The following CSMD3 variants were observed in gnomAD, a reference collection of about 807,000 sequenced individuals.
The protein encoded by CSMD3 is CUB and sushi domain-containing protein 3.
CSMD3 carries 177 observed loss-of-function variants against 435.2 expected under a neutral mutation model. That is an observed-to-expected ratio of 0.41 (90% CI 0.36 to 0.46). The LOEUF is 0.46. Ranked by LOEUF, CSMD3 falls within the 20% of genes least tolerant of loss-of-function variation. The pLI, the probability that CSMD3 is intolerant of heterozygous loss-of-function variation, is 0.34. For missense variants in CSMD3, 4,265 were observed against 4,504.6 expected, an observed-to-expected ratio of 0.95 and a Z score of 1.52; for synonymous variants, 1,656 against 1,520.5, an observed-to-expected ratio of 1.09 and a Z score of -2.07.
intron 52 of CSMD3, among the ~76,000 whole-genome samples, chr8:112,303,530 G>A (rs1230774492): frequency 6.6e-6 from 1 of 151,922 alleles, no homozygotes; most frequent in East Asian, 1.9e-4. Context: ...ACTCCAGCCT[G>A]GCAGACAGAG....
chr8:112,686,986 T>A (rs904180282), intron 14 of CSMD3, among the ~76,000 whole-genome samples: 24 of 152,126 alleles, frequency 1.6e-4, no homozygotes, highest in African/African-American at 5.8e-4. Flanking sequence ...TTTAAAATTG[T>A]ATTTTAAAAT....
chr8:112,453,043 C>T (rs180741671), intron 32 of CSMD3, among the ~76,000 whole-genome samples: 155 of 152,260 alleles, frequency 1.0e-3, no homozygotes, highest in Non-Finnish European at 1.2e-3. Context: ...AGATTCCTGA[C>T]TCTTGGTAAA....
chr8:112,904,997 A>C (rs899930759), intron 10 of CSMD3, among the ~76,000 whole-genome samples: 1 of 151,346 alleles, frequency 6.6e-6, no homozygotes, highest in African/African-American at 2.4e-5. Flanking sequence ...TAAATGTTGT[A>C]TGATAAAAAT....
chr8:112,763,643 TTATTA>T (rs893025256), intron 13 of CSMD3, among the ~76,000 whole-genome samples: 1 of 149,164 alleles, frequency 6.7e-6, no homozygotes, highest in African/African-American at 2.5e-5. Context: ...TGAAACTATA[TTATTA>T]TATGTTAGTT....
chr8:113,377,125 T>C, intron 1 of CSMD3: 1 of 1,258,750 alleles, frequency 7.9e-7, no homozygotes, highest in Non-Finnish European at 1.0e-6. Context: ...CGTCCGGCTC[T>C]CCGGTCCTCC....
At chr8:112,406,379 T>C in intron 35 of CSMD3, 145 bp downstream of exon 35, 1 of 471,592 alleles carries the variant, frequency 2.1e-6, no homozygotes, top group East Asian at 3.4e-5. Flanking sequence ...TCCACTGATT[T>C]TTCATATTTA....
chr8:112,836,209 A>G (rs965022580), intron 11 of CSMD3, among the ~76,000 whole-genome samples: 6 of 151,862 alleles, frequency 4.0e-5, no homozygotes, highest in Non-Finnish European at 5.9e-5. Context: ...TATGTTTTAC[A>G]TAGGTATTTT....
At chr8:112,934,572 G>T (rs536261243) in intron 9 of CSMD3, among the ~76,000 whole-genome samples, 2 of 152,202 alleles carry the variant, frequency 1.3e-5, no homozygotes, top group South Asian at 4.1e-4. Context: ...ATACCATTTT[G>T]CTGTGGAGCA....
chr8:113,215,200 C>A lies in CSMD3; in HGVS notation c.515-41284G>T, dbSNP rs115449579. Among the ~76,000 whole-genome samples the A allele has an allele frequency of 8.3e-3, 1,263 of 151,856 alleles. 18 individuals are homozygous for A. Among genetic ancestry groups the A allele is most frequent in the African/African-American group, 0.029 (1,183 of 41,480 alleles). On this transcript the variant is annotated intron_variant, in intron 3 of 70. Coordinates refer to ENST00000297405, the MANE Select transcript of CSMD3 (RefSeq NM_198123.2). Reference sequence around the variant, plus strand: ...TTTTGACCACAAAATTTAAATTCTCCCTTTTGAGCTTTGAGGCAGAGGCAA... The same window carrying A: ...TTTTGACCACAAAATTTAAATTCTCACTTTTGAGCTTTGAGGCAGAGGCAA...
chr8:112,289,344 G>T (rs764728541), intron 57 of CSMD3, 21 bp downstream of exon 57: 2 of 1,602,092 alleles, frequency 1.2e-6, no homozygotes, highest in Non-Finnish European at 1.7e-6. Flanking sequence ...AACACATATT[G>T]TCCAATTTTC....
intron 10 of CSMD3, among the ~76,000 whole-genome samples, chr8:112,860,844 T>TTATTA (rs1396209150): frequency 6.6e-6 from 1 of 151,420 alleles, no homozygotes; most frequent in Non-Finnish European, 1.5e-5. Flanking sequence ...CTAAATTGAC[T>TTATTA]TAACCTTCTC....
chr8:112,659,537 G>T (rs2075331363), intron 17 of CSMD3, among the ~76,000 whole-genome samples: 1 of 152,118 alleles, frequency 6.6e-6, no homozygotes, highest in African/African-American at 2.4e-5. Context: ...TTCTCTGAAA[G>T]ACTGATAGTG....
At chr8:112,743,744 A>G (rs958244404) in intron 13 of CSMD3, among the ~76,000 whole-genome samples, 1 of 152,054 alleles carries the variant, frequency 6.6e-6, no homozygotes. Flanking sequence ...AAAAGGGAAA[A>G]TAGTTTTTAC....
At chr8:113,029,652 C>T (rs867381801) in intron 5 of CSMD3, among the ~76,000 whole-genome samples, 1 of 151,426 alleles carries the variant, frequency 6.6e-6, no homozygotes, top group South Asian at 2.1e-4. Context: ...ATCTATGAAA[C>T]ACCCACAGCC....
At chr8:112,484,486 AACACACCCAC>A (rs1185427185) in intron 31 of CSMD3, among the ~76,000 whole-genome samples, 1 of 151,110 alleles carries the variant, frequency 6.6e-6, no homozygotes, top group Non-Finnish European at 1.5e-5. Flanking sequence ...AAGTTGATTC[AACACACCCAC>A]ACACACACAC....
chr8:113,342,239 G>A (rs1295446023), intron 1 of CSMD3, among the ~76,000 whole-genome samples: 6 of 152,014 alleles, frequency 3.9e-5, no homozygotes, highest in Non-Finnish European at 5.9e-5. Flanking sequence ...CACCTTCCAT[G>A]TAAACACTAG....
At chr8:112,251,502 AT>A (rs927074251) in intron 63 of CSMD3, among the ~76,000 whole-genome samples, 4 of 150,644 alleles carry the variant, frequency 2.7e-5, no homozygotes, top group Non-Finnish European at 4.4e-5. Context: ...ATTGAAAGTA[AT>A]TTTTTTTTAC....
intron 69 of CSMD3, among the ~76,000 whole-genome samples, chr8:112,230,837 T>G (rs1010219063): frequency 6.6e-6 from 1 of 152,096 alleles, no homozygotes; most frequent in African/African-American, 2.4e-5. Flanking sequence ...AAAAGTTCAT[T>G]TCTTAAAAGA....
intron 10 of CSMD3, among the ~76,000 whole-genome samples, chr8:112,881,784 A>G (rs1402118512): frequency 6.6e-6 from 1 of 152,026 alleles, no homozygotes; most frequent in East Asian, 1.9e-4. Flanking sequence ...AATAAAGGAA[A>G]GAGAAAAAGG....
Sources: gnomAD v4.1 joint callset for allele counts (sites outside exome capture counted in the v4.1 genomes callset) on GRCh38, gnomAD v4.1.1 for gene constraint, MANE v1.5 for transcripts, NCBI Gene and HGNC (gene_info 2026-07-23, HGNC 2026-07-21) for gene names.